Variants in ANO6 observed in about 807,000 individuals in gnomAD.
The protein encoded by ANO6 is anoctamin 6.
ANO6 carries 106 observed loss-of-function variants against 117.5 expected under a neutral mutation model. The ratio of observed to expected loss-of-function variants is 0.90; its 90% CI spans 0.77 to 1.06. The LOEUF (loss-of-function observed/expected upper bound fraction) is 1.06, where lower values mean the gene tolerates loss of function less well. Among genes scored for constraint, ANO6 ranks in the 50% least tolerant of loss-of-function variants. ANO6 has a pLI of 0.00. For missense variants in ANO6, 955 were observed against 1,121.1 expected, an observed-to-expected ratio of 0.85 and a Z score of 2.12; for synonymous variants, 367 against 385.1, an observed-to-expected ratio of 0.95 and a Z score of 0.55.
At chr12:45,271,237 A>G (rs1450236779) in intron 1 of ANO6, among the ~76,000 whole-genome samples, 1 of 152,236 alleles carries the variant, frequency 6.6e-6, no homozygotes, top group East Asian at 1.9e-4. Flanking sequence ...ATAACATACA[A>G]ATGTATATGG....
intron 19 of ANO6, among the ~76,000 whole-genome samples, chr12:45,438,158 T>G (rs1186045978): frequency 6.6e-6 from 1 of 152,124 alleles, no homozygotes; most frequent in Non-Finnish European, 1.5e-5. Context: ...GTCTTCCTCA[T>G]TTCCTAGTTG....
intron 1 of ANO6, among the ~76,000 whole-genome samples, chr12:45,290,184 T>A (rs1592922664): frequency 1.3e-5 from 2 of 152,102 alleles, no homozygotes; most frequent in African/African-American, 2.4e-5. Flanking sequence ...TTTTTTTTTT[T>A]AATTCTGAAA....
chr12:45,380,724 A>T (rs1942147651), intron 10 of ANO6, among the ~76,000 whole-genome samples: 1 of 152,204 alleles, frequency 6.6e-6, no homozygotes, highest in Admixed American at 6.5e-5. Context: ...CTGCAATCCC[A>T]GCACTGTGGG....
At chr12:45,381,815 A>G (rs1235285065) in intron 10 of ANO6, among the ~76,000 whole-genome samples, 1 of 152,080 alleles carries the variant, frequency 6.6e-6, no homozygotes, top group African/African-American at 2.4e-5. Flanking sequence ...GAGGACATCC[A>G]CTGTTCTTCC....
chr12:45,292,831 C>G (rs756665066), intron 1 of ANO6: 178 of 1,529,118 alleles, frequency 1.2e-4, no homozygotes, highest in Admixed American at 3.6e-4. Context: ...TAGAAATCTT[C>G]AGAGTTGTCA....
intron 15 of ANO6, 54 bp from the exon 16 acceptor site, chr12:45,409,303 A>G (rs1943025667): frequency 1.2e-6 from 2 of 1,605,360 alleles, no homozygotes; most frequent in South Asian, 1.1e-5. Context: ...AAATATTTTT[A>G]TGACCTTGGC....
At chr12:45,409,641 T>C (rs1361841316) in intron 16 of ANO6, among the ~76,000 whole-genome samples, 154 bp downstream of exon 16, 2 of 152,206 alleles carry the variant, frequency 1.3e-5, no homozygotes, top group Non-Finnish European at 2.9e-5. Flanking sequence ...CAATCCAGCT[T>C]TCAGATAAGG....
At chr12:45,290,531 A>C (rs7953360) in intron 1 of ANO6, among the ~76,000 whole-genome samples, 142,413 of 152,150 alleles carry the variant, frequency 0.94, 67,382 homozygotes, top group East Asian at 1. Flanking sequence ...TGTTGAACTG[A>C]GAGCCTGAGG....
At chr12:45,376,722 G>T in intron 9 of ANO6, among the ~76,000 whole-genome samples, 1 of 129,596 alleles carries the variant, frequency 7.7e-6, no homozygotes. Flanking sequence ...GGAGGGGGGA[G>T]GGATAGCATT....
At chr12:45,378,024 C>G (rs753426604) in intron 9 of ANO6, 29 bp from the exon 10 acceptor site, 1 of 1,581,856 alleles carries the variant, frequency 6.3e-7, no homozygotes, top group Non-Finnish European at 8.7e-7. Flanking sequence ...GAGGATATGA[C>G]TCATTTATAT....
At chr12:45,229,063 C>T (rs1353519177) in intron 1 of ANO6, among the ~76,000 whole-genome samples, 1 of 152,176 alleles carries the variant, frequency 6.6e-6, no homozygotes, top group African/African-American at 2.4e-5. Flanking sequence ...GTGGGTATTA[C>T]AGATGAGGTG....
intron 18 of ANO6, among the ~76,000 whole-genome samples, chr12:45,422,113 T>C (rs891696359): frequency 7.9e-5 from 12 of 152,150 alleles, no homozygotes; most frequent in Admixed American, 3.9e-4. Flanking sequence ...ACAATTCTAA[T>C]CAGAAATTAA....
chr12:45,323,184 T>C (rs1029165152), intron 2 of ANO6, among the ~76,000 whole-genome samples: 1 of 152,188 alleles, frequency 6.6e-6, no homozygotes, highest in Non-Finnish European at 1.5e-5. Flanking sequence ...ATTCTATTCT[T>C]TTGTGGAATA....
rs547215134 is a variant in ANO6, at chr12:45,431,237, T to C, written c.*1926T>C. 5 of 985,256 alleles carry C rather than the reference T, an allele frequency of 5.1e-6. No individual in the cohort carries two copies. The African/African-American group carries it at 8.7e-5, about 17-fold the overall frequency. The allele number at this position is 985,256 out of a possible 1,614,324, so 61.0% of individuals were successfully genotyped here. On this transcript the variant is annotated 3_prime_UTR_variant, in exon 20 of 20. Coordinates refer to ENST00000320560, the MANE Select transcript of ANO6 (RefSeq NM_001025356.3). ...ATTTCTTCCCACTGAAGGAAACTCT[T>C]TCTCATTCGCAGCCAAGACGGGAGT... is the stretch of plus-strand genomic sequence containing the variant.
intron 9 of ANO6, among the ~76,000 whole-genome samples, chr12:45,376,028 A>G (rs1399246795): frequency 2.7e-5 from 4 of 150,902 alleles, no homozygotes; most frequent in Non-Finnish European, 5.9e-5. Context: ...AACCCCATCA[A>G]AAAGTGGGTG....
At chr12:45,376,008 A>G (rs1456760766) in intron 9 of ANO6, among the ~76,000 whole-genome samples, 6 of 150,180 alleles carry the variant, frequency 4.0e-5, no homozygotes, top group Non-Finnish European at 7.5e-5. Context: ...CAAATTTACA[A>G]GAAAAAAACA....
chr12:45,420,986 T>C lies in ANO6; in HGVS notation c.2218-85T>C, dbSNP rs546430664. The C allele has an allele frequency of 3.4e-6, 5 of 1,454,524 alleles. No individual in the cohort carries two copies. In the African/African-American group the frequency reaches 4.2e-5, roughly 12 times the overall value. The allele number at this position is 1,454,524 out of a possible 1,614,324, so 90.1% of individuals were successfully genotyped here. ...GTTGCAGTGAGCCGAGATCGTGCCA[T>C]GCAGCCTGGGCAGCAAGAGCGAGAC... On this transcript the variant is annotated intron_variant, in intron 17 of 19. Transcript: ENST00000320560.
At position 45,430,033 on chromosome 12, in the gene ANO6, T is replaced by C; in HGVS notation, c.*722T>C. 1.0e-6 allele frequency: 1 copy of C among 985,482 alleles called. No homozygotes were observed. The allele number at this position is 985,482 out of a possible 1,614,324, so 61.0% of individuals were successfully genotyped here. A position where few individuals can be genotyped will look rare whatever the true frequency, so the allele number is the denominator to read the frequency against. ...CCTAGGAGGTTCCGTGCCTAATCAA[T>C]GTTGACTGCTTTGCAGATCTCAAGG... On this transcript the variant is annotated 3_prime_UTR_variant, in exon 20 of 20. Coordinates refer to ENST00000320560, the MANE Select transcript of ANO6 (RefSeq NM_001025356.3).
At chr12:45,436,217 G>A (rs150313050), downstream of ANO6, among the ~76,000 whole-genome samples, 22 of 152,212 alleles carry the variant, frequency 1.4e-4, no homozygotes, top group African/African-American at 5.3e-4. Flanking sequence ...GCCCACTTCT[G>A]CTTAGCTGCC....
Sources: gnomAD v4.1 joint callset for allele counts (sites outside exome capture counted in the v4.1 genomes callset) on GRCh38, gnomAD v4.1.1 for gene constraint, MANE v1.5 for transcripts, NCBI Gene and HGNC (gene_info 2026-07-23, HGNC 2026-07-21) for gene names.